The following NOS1AP variants were observed in gnomAD, a reference collection of about 807,000 sequenced individuals.
NOS1AP encodes carboxyl-terminal PDZ ligand of neuronal nitric oxide synthase protein.
In NOS1AP, 21 loss-of-function variants were observed where a neutral mutation model predicts 56.2. The ratio of observed to expected loss-of-function variants is 0.37; its 90% CI spans 0.26 to 0.54. The LOEUF is 0.54. Ranked by LOEUF, NOS1AP falls within the 20% of genes least tolerant of loss-of-function variation. NOS1AP has a pLI of 0.84. For synonymous variants in NOS1AP, 270 were observed against 274.6 expected, an observed-to-expected ratio of 0.98 and a Z score of 0.17; for missense variants, 522 against 657.8, an observed-to-expected ratio of 0.79 and a Z score of 2.26.
chr1:162,286,762 CA>C (rs1232237517), intron 2 of NOS1AP, among the ~76,000 whole-genome samples: 1 of 152,154 alleles, frequency 6.6e-6, no homozygotes, highest in African/African-American at 2.4e-5. Context: ...TTAACAAATA[CA>C]TGGTTTTTGA....
At chr1:162,185,655 C>T (rs1651409334) in intron 2 of NOS1AP, among the ~76,000 whole-genome samples, 1 of 152,218 alleles carries the variant, frequency 6.6e-6, no homozygotes, top group Non-Finnish European at 1.5e-5. Flanking sequence ...TGAGCATTCT[C>T]ACCTACTGTC....
intron 2 of NOS1AP, among the ~76,000 whole-genome samples, chr1:162,247,713 T>C (rs1653711052): frequency 6.6e-6 from 1 of 152,164 alleles, no homozygotes; most frequent in Non-Finnish European, 1.5e-5. Flanking sequence ...ATTGTCCTCC[T>C]TCCATACCTA....
intron 2 of NOS1AP, among the ~76,000 whole-genome samples, chr1:162,174,859 G>A (rs1366404694): frequency 6.6e-6 from 1 of 152,180 alleles, no homozygotes; most frequent in East Asian, 1.9e-4. Context: ...CCCCTGGACT[G>A]TGACTGTTTT....
intron 3 of NOS1AP, among the ~76,000 whole-genome samples, chr1:162,297,981 G>A (rs184953233): frequency 6.0e-4 from 92 of 152,338 alleles, no homozygotes; most frequent in African/African-American, 2.1e-3. Context: ...ACACATGCCA[G>A]TGGGAACAGG....
At chr1:162,300,759 C>T in intron 4 of NOS1AP, 53 bp downstream of exon 4, 1 of 1,487,148 alleles carries the variant, frequency 6.7e-7, no homozygotes, top group Non-Finnish European at 9.4e-7. Context: ...AGTCCTCCTG[C>T]CCCCTACAGC....
In NOS1AP at chr1:162,194,963, C is replaced by T. The variant is rs139695423; in HGVS notation, c.177+40487C>T. Among the ~76,000 whole-genome samples, 74 of 152,256 alleles carry T rather than the reference C, an allele frequency of 4.9e-4. 1 individual carries two copies. The East Asian group carries it at 0.011, about 23-fold the overall frequency. ...CCCTGGATGTATTATTGCATTAACC[C>T]TATCCAGTCACTCCTATGAGGTTTG... On this transcript the variant is annotated intron_variant, in intron 2 of 9. Coordinates refer to ENST00000361897, the MANE Select transcript of NOS1AP (RefSeq NM_014697.3).
intron 6 of NOS1AP, among the ~76,000 whole-genome samples, chr1:162,350,715 G>T (rs79956922): frequency 2.0e-5 from 3 of 152,164 alleles, no homozygotes; most frequent in Non-Finnish European, 4.4e-5. Context: ...TTGTGAATAT[G>T]ATATTATTAA....
chr1:162,354,865 G>A (rs1657645822), intron 6 of NOS1AP, among the ~76,000 whole-genome samples: 1 of 152,244 alleles, frequency 6.6e-6, no homozygotes, highest in South Asian at 2.1e-4. Flanking sequence ...CCGTTCCTGA[G>A]CTGCGATGAC....
chr1:162,289,319 A>T, intron 3 of NOS1AP, among the ~76,000 whole-genome samples: 1 of 137,458 alleles, frequency 7.3e-6, no homozygotes, highest in African/African-American at 2.7e-5. Context: ...TTTCTTCTTG[A>T]TGGAGTTTCA....
At chr1:162,246,294 A>G (rs1653659777) in intron 2 of NOS1AP, among the ~76,000 whole-genome samples, 1 of 152,190 alleles carries the variant, frequency 6.6e-6, no homozygotes. Flanking sequence ...TAAACATCTT[A>G]TAGTCCAGTG....
intron 2 of NOS1AP, among the ~76,000 whole-genome samples, chr1:162,286,764 T>C (rs1655101004): frequency 6.6e-6 from 1 of 152,326 alleles, no homozygotes; most frequent in East Asian, 1.9e-4. Flanking sequence ...AACAAATACA[T>C]GGTTTTTGAG....
intron 1 of NOS1AP, among the ~76,000 whole-genome samples, chr1:162,118,814 G>A (rs1424788980): frequency 6.6e-6 from 1 of 152,108 alleles, no homozygotes; most frequent in African/African-American, 2.4e-5. Flanking sequence ...TAGAGGTAGG[G>A]GTGTGTCAGA....
At chr1:162,321,318 C>G (rs1262681792) in intron 4 of NOS1AP, among the ~76,000 whole-genome samples, 1 of 152,068 alleles carries the variant, frequency 6.6e-6, no homozygotes, top group African/African-American at 2.4e-5. Flanking sequence ...TGGAACCAAC[C>G]CAAATGTCCA....
intron 4 of NOS1AP, among the ~76,000 whole-genome samples, chr1:162,306,729 G>A (rs550866504): frequency 6.6e-6 from 1 of 152,304 alleles, no homozygotes; most frequent in Admixed American, 6.5e-5. Flanking sequence ...TTGAGGTCAG[G>A]AGTTCAAGAC....
chr1:162,367,090 T>C lies in NOS1AP; in HGVS notation c.1144T>C (p.Ser382Pro). The C allele has an allele frequency of 6.2e-7, 1 of 1,613,954 alleles. No homozygotes were observed. The highest frequency in any genetic ancestry group is 1.1e-5 in the South Asian group (1 of 91,082). The change falls in exon 10 of 10, where the codon TCC (serine) becomes CCC (proline). Residue 382 changes from serine (S) to proline (P), a missense_variant. Ser to Pro is a moderately conservative substitution (Grantham distance 74). Coordinates refer to ENST00000361897, the MANE Select transcript of NOS1AP (RefSeq NM_014697.3). The surrounding 1 kb of genome is among the most constrained non-coding windows in gnomAD (Gnocchi z 6.5). ...CAGCTTGCTGGAGATCACCTTCCGC[T>C]CCGGAGCCCTGCCCGTGCTCTGTGA... The part of the protein sequence containing the change: ...QDSLLEITFR[S>P]GALPVLCDPT...
At chr1:162,247,700 C>G (rs1233947792) in intron 2 of NOS1AP, among the ~76,000 whole-genome samples, 2 of 152,240 alleles carry the variant, frequency 1.3e-5, no homozygotes, top group East Asian at 1.9e-4. Context: ...CCGTCCCCCC[C>G]ACATTGTCCT....
chr1:162,357,011 C>T lies in NOS1AP; in HGVS notation c.814C>T (p.Pro272Ser), dbSNP rs1557891631. The change falls in exon 8 of 10, where the codon CCT becomes TCT. Residue 272 changes from proline (P) to serine (S), a missense_variant. Coordinates refer to ENST00000361897, the MANE Select transcript of NOS1AP (RefSeq NM_014697.3). ...GACAGCCTCACCCAGGATGCTGCTC[C>T]CTTCTTCTTCCTCGAAGCCTCCAGG... is the stretch of plus-strand genomic sequence containing the variant. ...MLTASPRMLL[P>S]SSSSKPPGLG... 1.2e-6 allele frequency: 2 copies of T among 1,614,080 alleles called. No individual in the cohort carries two copies. The highest frequency in any genetic ancestry group is 1.7e-5 in the Admixed American group (1 of 60,026).
At chr1:162,280,476 A>G (rs1215058480) in intron 2 of NOS1AP, among the ~76,000 whole-genome samples, 1 of 152,262 alleles carries the variant, frequency 6.6e-6, no homozygotes, top group African/African-American at 2.4e-5. Context: ...AGCATGGTCT[A>G]CATTACCATG....
intron 5 of NOS1AP, among the ~76,000 whole-genome samples, chr1:162,340,104 G>A (rs1266703223): frequency 2.0e-5 from 3 of 152,198 alleles, no homozygotes. Flanking sequence ...GAAACAGTTA[G>A]AGTAGCTTGA....
Sources: gnomAD v4.1 joint callset for allele counts (sites outside exome capture counted in the v4.1 genomes callset) on GRCh38, gnomAD v4.1.1 for gene constraint, Gnocchi (gnomAD v3.1) non-coding constraint, MANE v1.5 for transcripts, NCBI Gene and HGNC (gene_info 2026-07-23, HGNC 2026-07-21) for gene names.